Variants in KCNK2 observed in about 807,000 individuals in gnomAD.
The protein encoded by KCNK2 is potassium two pore domain channel subfamily K member 2, also known as potassium channel subfamily K member 2.
In KCNK2, 21 loss-of-function variants were observed where a neutral mutation model predicts 40.5. That is an observed-to-expected ratio of 0.52 (90% confidence interval 0.37 to 0.75). KCNK2 has a LOEUF of 0.75. KCNK2 is among the 30% of genes least tolerant of loss of function. The pLI, the probability that KCNK2 is intolerant of heterozygous loss-of-function variation, is 0.00. For synonymous variants in KCNK2, 191 were observed against 202.2 expected (o/e 0.94, Z 0.47); for missense variants, 399 against 531.6 (o/e 0.75, Z 2.45).
At chr1:215,143,909 A>G (rs1406477712) in intron 3 of KCNK2, among the ~76,000 whole-genome samples, 1 of 152,138 alleles carries the variant, frequency 6.6e-6, no homozygotes, top group African/African-American at 2.4e-5. Context: ...CACTTTCTAC[A>G]AGTAAAAATC....
At chr1:215,154,008 G>T (rs1662801301) in intron 3 of KCNK2, among the ~76,000 whole-genome samples, 1 of 152,034 alleles carries the variant, frequency 6.6e-6, no homozygotes, top group Non-Finnish European at 1.5e-5. Flanking sequence ...TGGGCATTTG[G>T]GTTGGTTCCA....
At chr1:215,163,124 T>C (rs1663280919) in intron 3 of KCNK2, among the ~76,000 whole-genome samples, 1 of 152,170 alleles carries the variant, frequency 6.6e-6, no homozygotes, top group Admixed American at 6.5e-5. Flanking sequence ...TTTGTAGTTC[T>C]CCTTGAAGAG....
At chr1:215,081,529 G>GA (rs750150748), upstream of KCNK2, among the ~76,000 whole-genome samples, 4 of 151,938 alleles carry the variant, frequency 2.6e-5, no homozygotes, top group East Asian at 3.9e-4. Flanking sequence ...CTGGAATCTA[G>GA]AAAAAATTGC....
intron 1 of KCNK2, among the ~76,000 whole-genome samples, chr1:215,036,388 T>C (rs941348799): frequency 2.0e-5 from 3 of 151,984 alleles, no homozygotes; most frequent in Non-Finnish European, 4.4e-5. Context: ...TTCTGTTCCA[T>C]TGATCTATTT....
At chr1:215,215,832 C>T (rs1251764103) in intron 6 of KCNK2, among the ~76,000 whole-genome samples, 3 of 152,212 alleles carry the variant, frequency 2.0e-5, no homozygotes, top group Non-Finnish European at 2.9e-5. Flanking sequence ...ATCTGTTTCA[C>T]CAGGCTCAGG....
At chr1:215,098,229 A>G (rs1348811468) in intron 2 of KCNK2, among the ~76,000 whole-genome samples, 2 of 151,944 alleles carry the variant, frequency 1.3e-5, no homozygotes, top group Non-Finnish European at 2.9e-5. Context: ...GAGGAGAATC[A>G]TAATTTACCA....
chr1:215,027,351 G>A (rs564337673), intron 1 of KCNK2, among the ~76,000 whole-genome samples: 48 of 152,064 alleles, frequency 3.2e-4, no homozygotes, highest in African/African-American at 1.1e-3. Flanking sequence ...CTATCGTTTC[G>A]ATGTTGAGAA....
At chr1:215,006,044 A>G (rs1436866319) in intron 1 of KCNK2, 2 of 1,094,746 alleles carry the variant, frequency 1.8e-6, no homozygotes, top group Non-Finnish European at 2.8e-6. Flanking sequence ...TATTTGATGT[A>G]AGGAGTCTTC....
intron 2 of KCNK2, among the ~76,000 whole-genome samples, chr1:215,119,353 A>C (rs1042585729): frequency 4.6e-5 from 7 of 152,218 alleles, no homozygotes; most frequent in African/African-American, 1.7e-4. Context: ...CAATTCAAAA[A>C]TCCACAAATT....
At chr1:215,069,185 G>A (rs1278539091) in intron 1 of KCNK2, among the ~76,000 whole-genome samples, 1 of 152,170 alleles carries the variant, frequency 6.6e-6, no homozygotes, top group Admixed American at 6.5e-5. Context: ...GTGTAGCCTT[G>A]TGAACACCCC....
chr1:215,143,967 T>C (rs1347554265), intron 3 of KCNK2, among the ~76,000 whole-genome samples: 1 of 152,122 alleles, frequency 6.6e-6, no homozygotes, highest in Non-Finnish European at 1.5e-5. Flanking sequence ...AAGAAATCAG[T>C]ATGAAAAACA....
chr1:215,015,585 T>G (rs1259756673), intron 1 of KCNK2, among the ~76,000 whole-genome samples: 1 of 152,060 alleles, frequency 6.6e-6, no homozygotes, highest in Non-Finnish European at 1.5e-5. Context: ...TTCTTCTCTG[T>G]TAAAAATCTC....
chr1:215,168,256 G>A (rs1022293745), intron 3 of KCNK2, among the ~76,000 whole-genome samples: 1 of 152,196 alleles, frequency 6.6e-6, no homozygotes, highest in Admixed American at 6.6e-5. Context: ...ACTGTTGGTG[G>A]AAATGTAAAT....
At position 215,176,827 on chromosome 1, in the gene KCNK2, G is replaced by A. The variant is rs547466904; in HGVS notation, c.823+4644G>A. 7.9e-5 allele frequency among the ~76,000 whole-genome samples: 12 copies of A among 152,238 alleles called. No homozygotes were observed. The South Asian group carries it at 2.1e-3, about 26-fold the overall frequency. ...TGTGCATGTATCTTTATAATAGAAT[G>A]ATTTATATTCCTTTGGGTATACACC... On this transcript the variant is annotated intron_variant, in intron 5 of 6. Transcript: ENST00000444842.
chr1:215,208,175 C>A (rs569616534), intron 6 of KCNK2, among the ~76,000 whole-genome samples: 2 of 152,182 alleles, frequency 1.3e-5, no homozygotes, highest in South Asian at 4.1e-4. Context: ...TACTACACAG[C>A]CATAAAAAAG....
intron 1 of KCNK2, among the ~76,000 whole-genome samples, chr1:215,034,454 T>C (rs536294735): frequency 2.0e-4 from 31 of 152,256 alleles, no homozygotes; most frequent in African/African-American, 7.2e-4. Flanking sequence ...AATGGAGTAG[T>C]TGAATCCTAA....
At chr1:215,093,797 A>ATT (rs1334459031) in intron 2 of KCNK2, among the ~76,000 whole-genome samples, 1 of 12,768 alleles carries the variant, frequency 7.8e-5, no homozygotes, top group East Asian at 2.8e-3. Context: ...TATATTATAT[A>ATT]ATATAAAATA....
At chr1:215,112,703 A>G (rs1229322684) in intron 2 of KCNK2, among the ~76,000 whole-genome samples, 1 of 152,124 alleles carries the variant, frequency 6.6e-6, no homozygotes, top group African/African-American at 2.4e-5. Context: ...TGTATCTATC[A>G]TATGTTTCCA....
Position 215,068,961 on chromosome 1 carries a change from T to C in KCNK2, c.35-17407T>C, listed in dbSNP as rs117402842. 1.1e-3 allele frequency among the ~76,000 whole-genome samples: 171 copies of C among 152,264 alleles called. 1 individual carries two copies. The East Asian group carries it at 0.027, about 24-fold the overall frequency. ...TTTTATCAGTGTCCAGAAAACAACATTGATAACAATGAAAGGAAACAAAAA... is the reference window on the plus strand; with the variant it reads ...TTTTATCAGTGTCCAGAAAACAACACTGATAACAATGAAAGGAAACAAAAA... On this transcript the variant is annotated intron_variant, in intron 1 of 6. Coordinates refer to the KCNK2 transcript ENST00000391895.
Sources: gnomAD v4.1 joint callset for allele counts (sites outside exome capture counted in the v4.1 genomes callset) on GRCh38, gnomAD v4.1.1 for gene constraint, MANE v1.5 for transcripts, NCBI Gene and HGNC (gene_info 2026-07-23, HGNC 2026-07-21) for gene names.